The following CSMD3 variants were observed in gnomAD, a reference collection of about 807,000 sequenced individuals.
CSMD3 encodes CUB and sushi domain-containing protein 3.
Under a neutral mutation model 435.2 loss-of-function variants are expected in CSMD3, and 177 were observed. The ratio of observed to expected loss-of-function variants is 0.41; its 90% CI spans 0.36 to 0.46. The LOEUF (loss-of-function observed/expected upper bound fraction) is 0.46, where lower values mean the gene tolerates loss of function less well. Ranked by LOEUF, CSMD3 falls within the 20% of genes least tolerant of loss-of-function variation. CSMD3 has a pLI of 0.34. For missense variants in CSMD3, 4,265 were observed against 4,504.6 expected (o/e 0.95, Z 1.52); for synonymous variants, 1,656 against 1,520.5 (o/e 1.09, Z -2.07).
intron 12 of CSMD3, among the ~76,000 whole-genome samples, chr8:112,820,209 A>G (rs113556205): frequency 3.3e-5 from 5 of 152,278 alleles, no homozygotes; most frequent in African/African-American, 1.2e-4. Flanking sequence ...AAAACCAATA[A>G]TAAAAAATAT....
chr8:113,281,683 C>T (rs113833606), intron 2 of CSMD3, among the ~76,000 whole-genome samples: 2,209 of 151,812 alleles, frequency 0.015, 63 homozygotes, highest in African/African-American at 0.048. Flanking sequence ...ATGTGAGGTA[C>T]CCTTGCATAC....
intron 11 of CSMD3, among the ~76,000 whole-genome samples, chr8:112,854,951 A>G (rs1285040859): frequency 6.6e-6 from 1 of 152,188 alleles, no homozygotes; most frequent in African/African-American, 2.4e-5. Context: ...GCCACTAGCA[A>G]TATGTGGCTA....
At chr8:112,965,067 T>A (rs2084366893) in intron 7 of CSMD3, among the ~76,000 whole-genome samples, 1 of 152,116 alleles carries the variant, frequency 6.6e-6, no homozygotes, top group South Asian at 2.1e-4. Flanking sequence ...GAAATAATTC[T>A]GAACAAGATA....
At chr8:112,953,674 A>G (rs980726138) in intron 8 of CSMD3, among the ~76,000 whole-genome samples, 1 of 151,450 alleles carries the variant, frequency 6.6e-6, no homozygotes, top group East Asian at 1.9e-4. Context: ...GATAATTGAT[A>G]TAACTGCTCA....
intron 1 of CSMD3, among the ~76,000 whole-genome samples, chr8:113,415,350 G>A (rs985116777): frequency 6.6e-6 from 1 of 152,152 alleles, no homozygotes; most frequent in African/African-American, 2.4e-5. Context: ...GAGAAGAGAG[G>A]TAGAATGAAA....
chr8:112,263,557 G>A (rs2130377331), intron 61 of CSMD3, 82 bp downstream of exon 61: 1 of 1,135,232 alleles, frequency 8.8e-7, no homozygotes, highest in Non-Finnish European at 1.3e-6. Context: ...ATTAGGCATT[G>A]AAGGAAGCTT....
intron 13 of CSMD3, among the ~76,000 whole-genome samples, chr8:112,736,886 G>T (rs1052417955): frequency 6.6e-6 from 1 of 151,968 alleles, no homozygotes; most frequent in Admixed American, 6.6e-5. Flanking sequence ...TGCCCTGACA[G>T]AAATTAGAAC....
chr8:112,957,899 CCG>C (rs1230637916), intron 7 of CSMD3, among the ~76,000 whole-genome samples: 1 of 152,134 alleles, frequency 6.6e-6, no homozygotes, highest in Non-Finnish European at 1.5e-5. Flanking sequence ...GCGCGCACCA[CCG>C]CGCCCAGATA....
chr8:112,489,949 A>G (rs1049811878), intron 31 of CSMD3, among the ~76,000 whole-genome samples: 2 of 152,150 alleles, frequency 1.3e-5, no homozygotes, highest in Non-Finnish European at 2.9e-5. Flanking sequence ...GTTTTTCAGG[A>G]GTGAATGAAT....
intron 1 of CSMD3, among the ~76,000 whole-genome samples, chr8:113,336,135 TTGAG>T (rs1371833918): frequency 6.6e-6 from 1 of 152,096 alleles, no homozygotes; most frequent in African/African-American, 2.4e-5. Context: ...GTTGTTCAGA[TTGAG>T]TAATTTATTT....
intron 10 of CSMD3, among the ~76,000 whole-genome samples, chr8:112,907,063 G>A (rs1261474702): frequency 6.6e-6 from 1 of 151,434 alleles, no homozygotes; most frequent in Non-Finnish European, 1.5e-5. Context: ...GTTTTAAAAA[G>A]GAAGGAAGAA....
intron 1 of CSMD3, among the ~76,000 whole-genome samples, chr8:113,351,910 T>C (rs2094192832): frequency 1.3e-5 from 2 of 152,164 alleles, no homozygotes; most frequent in South Asian, 2.1e-4. Context: ...AAAAGAGAGT[T>C]ACCATTTGTC....
intron 6 of CSMD3, among the ~76,000 whole-genome samples, chr8:112,981,921 T>C (rs937156731): frequency 1.3e-5 from 2 of 151,796 alleles, no homozygotes; most frequent in African/African-American, 4.8e-5. Context: ...TTATATTAAA[T>C]ATTGCAGTTT....
chr8:112,636,732 G>A, intron 22 of CSMD3, 85 bp downstream of exon 22: 2 of 1,146,800 alleles, frequency 1.7e-6, no homozygotes, highest in Non-Finnish European at 2.6e-6. Context: ...AAATTCAACA[G>A]ATTATAAAGA....
chr8:113,426,506 T>TA (rs1395044862), intron 1 of CSMD3, among the ~76,000 whole-genome samples: 3 of 151,100 alleles, frequency 2.0e-5, no homozygotes, highest in African/African-American at 2.4e-5. Flanking sequence ...ATAAGAAGAT[T>TA]AAAAAAACAA....
In CSMD3 at chr8:113,323,365, A is replaced by C. The variant is rs548508363; in HGVS notation, c.179-8572T>G. Among the ~76,000 whole-genome samples the C allele has an allele frequency of 2.0e-5, 3 of 152,302 alleles. No individual in the cohort carries two copies. In the South Asian group the frequency reaches 6.2e-4, roughly 32 times the overall value. On this transcript the variant is annotated intron_variant, in intron 1 of 70. Transcript: ENST00000297405. ...GCTCAAATTACTCAATTGTTATTCA[A>C]ACTATTATTATTTTACTAGTGGCCA...
At chr8:112,787,138 G>A (rs2078564803) in intron 13 of CSMD3, among the ~76,000 whole-genome samples, 1 of 152,094 alleles carries the variant, frequency 6.6e-6, no homozygotes, top group Admixed American at 6.6e-5. Context: ...TATCATTGAT[G>A]GGCATTTGGG....
At chr8:113,050,221 T>C (rs2088027698) in intron 5 of CSMD3, among the ~76,000 whole-genome samples, 1 of 152,032 alleles carries the variant, frequency 6.6e-6, no homozygotes, top group Non-Finnish European at 1.5e-5. Flanking sequence ...TATTGTAACA[T>C]ATATGTGTAT....
At chr8:112,694,152 C>A (rs1336768660) in intron 13 of CSMD3, among the ~76,000 whole-genome samples, 1 of 151,390 alleles carries the variant, frequency 6.6e-6, no homozygotes, top group Non-Finnish European at 1.5e-5. Flanking sequence ...TCTTTTAACT[C>A]TGTTTCCTTG....
Sources: allele counts gnomAD v4.1 joint callset (sites outside exome capture counted in the v4.1 genomes callset), GRCh38; gene constraint gnomAD v4.1.1; transcripts MANE v1.5; gene names NCBI Gene and HGNC (gene_info 2026-07-23, HGNC 2026-07-21).